The following SYNE2 variants were observed in gnomAD, a reference collection of about 807,000 sequenced individuals.
The protein encoded by SYNE2 is nesprin-2.
A neutral mutation model predicts 856.3 loss-of-function variants in SYNE2; 431 were observed. That is an observed-to-expected ratio of 0.50 (90% CI 0.47 to 0.55). The LOEUF is 0.55. SYNE2 is among the 20% of genes least tolerant of loss of function. SYNE2 has a pLI of 0.00. For synonymous variants in SYNE2, 2,923 were observed against 2,872.3 expected, an observed-to-expected ratio of 1.02 and a Z score of -0.56; for missense variants, 8,129 against 8,023.2, an observed-to-expected ratio of 1.01 and a Z score of -0.50.
chr14:64,116,023 T>G lies in SYNE2; in HGVS notation c.12840+2452T>G, dbSNP rs577435790. ...TTTAAAAAAAAATTAAAAAATAAACTAGCTGGGCATGGTGGTGTGTATCTG... is the reference window on the plus strand; with the variant it reads ...TTTAAAAAAAAATTAAAAAATAAACGAGCTGGGCATGGTGGTGTGTATCTG... On this transcript the variant is annotated intron_variant, in intron 66 of 115. Coordinates refer to ENST00000555002, the MANE Select transcript of SYNE2 (RefSeq NM_182914.3). 2.5e-3 allele frequency among the ~76,000 whole-genome samples: 383 copies of G among 152,116 alleles called. 1 individual carries two copies. Among genetic ancestry groups the G allele is most frequent in the African/African-American group, 8.8e-3 (367 of 41,498 alleles).
chr14:63,908,973 A>C, intron 1 of SYNE2, 125 bp from the exon 2 acceptor site: 2 of 633,630 alleles, frequency 3.2e-6, no homozygotes. Flanking sequence ...CCATGGAAGC[A>C]CATAGTAGAA....
intron 11 of SYNE2, among the ~76,000 whole-genome samples, chr14:63,969,229 G>A (rs1321550926): frequency 8.7e-5 from 13 of 149,818 alleles, no homozygotes; most frequent in African/African-American, 2.5e-5. Flanking sequence ...GAGTGCAATG[G>A]TGTGATCTCA....
intron 25 of SYNE2, 109 bp from the exon 26 acceptor site, chr14:63,998,110 G>C: frequency 1.2e-6 from 1 of 838,828 alleles, no homozygotes; most frequent in South Asian, 1.4e-5. Flanking sequence ...TTATCTCCTG[G>C]TTTGAGGTAT....
At chr14:64,073,507 C>T (rs934219196) in intron 52 of SYNE2, among the ~76,000 whole-genome samples, 1 of 152,150 alleles carries the variant, frequency 6.6e-6, no homozygotes, top group Non-Finnish European at 1.5e-5. Context: ...TAGATACTTA[C>T]CAAATAACCC....
chr14:63,977,957 A>G lies in SYNE2; in HGVS notation c.1346A>G (p.Asn449Ser). 3.7e-6 allele frequency: 6 copies of G among 1,614,054 alleles called. No individual in the cohort carries two copies. The highest frequency in any genetic ancestry group is 5.1e-6 in the Non-Finnish European group (6 of 1,179,926). Residue 449 changes from asparagine to serine, a missense_variant, in exon 13 of 116, where the codon AAT (asparagine) becomes AGT (serine). Coordinates refer to ENST00000555002, the MANE Select transcript of SYNE2 (RefSeq NM_182914.3). Reference protein sequence around the residue: ...HHSNILLTFENKDENHLPLVP... With the variant: ...HHSNILLTFESKDENHLPLVP... The stretch of plus-strand genomic sequence containing the variant: ...TCGAACATTCTCCTTACCTTTGAAA[A>G]TAAGGATGAAAATCACTTGCCATTG...
chr14:63,781,426 G>T (rs1317403088), intron 1 of SYNE2, among the ~76,000 whole-genome samples: 1 of 151,902 alleles, frequency 6.6e-6, no homozygotes, highest in Non-Finnish European at 1.5e-5. Flanking sequence ...TACCTCATTT[G>T]CATTCTAGGT....
chr14:64,184,674 T>C (rs897876811), intron 96 of SYNE2, among the ~76,000 whole-genome samples: 4 of 152,180 alleles, frequency 2.6e-5, no homozygotes, highest in Admixed American at 2.6e-4. Context: ...CTTTATGTTA[T>C]GTAGCTTTCC....
At chr14:64,188,765 CCTCA>C (rs1362161863) in intron 98 of SYNE2, 57 bp downstream of exon 98, 22 of 1,589,320 alleles carry the variant, frequency 1.4e-5, no homozygotes, top group Non-Finnish European at 1.9e-5. Context: ...TGTCGGCCCT[CCTCA>C]CTCCTAAGCC....
At chr14:64,156,874 C>T (rs2098290775) in intron 85 of SYNE2, among the ~76,000 whole-genome samples, 1 of 152,212 alleles carries the variant, frequency 6.6e-6, no homozygotes, top group Non-Finnish European at 1.5e-5. Flanking sequence ...TAGCGTCCCA[C>T]TTTGGTTTTT....
chr14:64,039,280 T>C (rs2097128835), intron 45 of SYNE2, among the ~76,000 whole-genome samples: 1 of 152,242 alleles, frequency 6.6e-6, no homozygotes, highest in Non-Finnish European at 1.5e-5. Flanking sequence ...AAAGTTACCA[T>C]AGCCATGGGC....
intron 71 of SYNE2, among the ~76,000 whole-genome samples, 157 bp from the exon 72 acceptor site, chr14:64,126,170 T>G (rs532240792): frequency 6.6e-6 from 1 of 152,358 alleles, no homozygotes; most frequent in East Asian, 1.9e-4. Flanking sequence ...GTAAGTTTAT[T>G]TATTTGTTCT....
chr14:64,026,496 A>G, intron 41 of SYNE2, 83 bp from the exon 42 acceptor site: 1 of 1,106,558 alleles, frequency 9.0e-7, no homozygotes, highest in Non-Finnish European at 1.4e-6. Flanking sequence ...GAATCTCTAT[A>G]TAAAGCTTAC....
chr14:64,026,553 T>G (rs770069489), intron 41 of SYNE2, 26 bp from the exon 42 acceptor site: 5 of 1,588,128 alleles, frequency 3.1e-6, no homozygotes, highest in Non-Finnish European at 4.3e-6. Context: ...CAAATGACAT[T>G]ATAAAATCTC....
chr14:64,126,466 A>AGGTGCACTACGAGGT lies in SYNE2; in HGVS notation c.13695_13707+2dup, dbSNP rs758985012. 12 of 1,614,064 alleles carry AGGTGCACTACGAGGT rather than the reference A, an allele frequency of 7.4e-6. No homozygotes were observed. The Admixed American group carries it at 1.0e-4, about 13-fold the overall frequency. Reference sequence around the variant, plus strand: ...TACAGGGAGGATGGTTCTGGCCAGCAGGTGCACTACGAGGTAGGGCACTTC... The same window carrying AGGTGCACTACGAGGT: ...TACAGGGAGGATGGTTCTGGCCAGCAGGTGCACTACGAGGTGGTGCACTACGAGGTAGGGCACTTC... On this transcript the variant is annotated inframe_insertion, in exon 72 of 116. Transcript: ENST00000555002.
At chr14:63,809,854 T>C (rs1308380051) in intron 1 of SYNE2, among the ~76,000 whole-genome samples, 1 of 152,122 alleles carries the variant, frequency 6.6e-6, no homozygotes, top group African/African-American at 2.4e-5. Flanking sequence ...TGGAGGTCTT[T>C]TGACCTCAAA....
Position 64,163,631 on chromosome 14 carries a change from A to T in SYNE2, c.16479+50A>T, listed in dbSNP as rs371268831. On this transcript the variant is annotated intron_variant, in intron 89 of 115. Coordinates refer to ENST00000555002, the MANE Select transcript of SYNE2 (RefSeq NM_182914.3). Reference sequence around the variant, plus strand: ...TTTTAGTCTTAGACATTTGCATTCCATCCTCAATCCCTTGTATCCTTTGAA... The same window carrying T: ...TTTTAGTCTTAGACATTTGCATTCCTTCCTCAATCCCTTGTATCCTTTGAA... 6.9e-6 allele frequency: 11 copies of T among 1,604,530 alleles called. No homozygotes were observed. In the African/African-American group the frequency reaches 1.3e-4, roughly 19 times the overall value.
At chr14:63,944,528 T>C (rs2153422056) in intron 6 of SYNE2, among the ~76,000 whole-genome samples, 1 of 141,104 alleles carries the variant, frequency 7.1e-6, no homozygotes, top group East Asian at 2.0e-4. Context: ...TTTTTTTTTT[T>C]TTTTTTTTTT....
Position 64,126,591 on chromosome 14 carries a change from A to G in SYNE2, c.13708-7A>G. On this transcript the variant is annotated splice_region_variant and splice_polypyrimidine_tract_variant and intron_variant, in intron 72 of 115. Transcript: ENST00000555002. ...TCATTCATTGTCTTCCTTCCTCTCC[A>G]CTCCAGACGCTGGCTCTTGAGTTGA... is the stretch of plus-strand genomic sequence containing the variant. 5 of 1,613,778 alleles carry G rather than the reference A, an allele frequency of 3.1e-6. No homozygotes were observed. Among genetic ancestry groups the G allele is most frequent in the Non-Finnish European group, 3.4e-6 (4 of 1,179,948 alleles).
At chr14:64,006,703 G>A (rs768605638) in intron 30 of SYNE2, among the ~76,000 whole-genome samples, 8 of 151,970 alleles carry the variant, frequency 5.3e-5, no homozygotes, top group Non-Finnish European at 8.8e-5. Context: ...TGGTTCGCAC[G>A]TGTGGTACCA....
Sources: allele counts gnomAD v4.1 joint callset (sites outside exome capture counted in the v4.1 genomes callset), GRCh38; gene constraint gnomAD v4.1.1; transcripts MANE v1.5; gene names NCBI Gene and HGNC (gene_info 2026-07-23, HGNC 2026-07-21).